The following PPP1R9A variants were observed in gnomAD, a reference collection of about 807,000 sequenced individuals.
PPP1R9A encodes protein phosphatase 1 regulatory subunit 9A, also known as neurabin-1.
PPP1R9A carries 59 observed loss-of-function variants against 141.9 expected under a neutral mutation model. That is an observed-to-expected ratio of 0.42 (90% CI 0.34 to 0.52). The LOEUF (loss-of-function observed/expected upper bound fraction) is 0.52. Ranked by LOEUF, PPP1R9A falls within the 20% of genes least tolerant of loss-of-function variation. The pLI is 0.10. For missense variants in PPP1R9A, 1,444 were observed against 1,611.9 expected (o/e 0.90, Z 1.78); for synonymous variants, 500 against 569.7 (o/e 0.88, Z 1.74).
At chr7:94,995,701 C>G (rs1802085392) in intron 2 of PPP1R9A, among the ~76,000 whole-genome samples, 1 of 151,976 alleles carries the variant, frequency 6.6e-6, no homozygotes, top group Non-Finnish European at 1.5e-5. Flanking sequence ...CTCTATGATA[C>G]AGTTATAATG....
intron 2 of PPP1R9A, among the ~76,000 whole-genome samples, chr7:94,943,081 G>A (rs958747168): frequency 6.6e-6 from 1 of 152,058 alleles, no homozygotes; most frequent in Admixed American, 6.6e-5. Flanking sequence ...ATTTTGGGTA[G>A]AACATGTACT....
At chr7:95,186,350 T>G (rs934434098) in intron 5 of PPP1R9A, among the ~76,000 whole-genome samples, 1 of 152,164 alleles carries the variant, frequency 6.6e-6, no homozygotes, top group Non-Finnish European at 1.5e-5. Context: ...GCTACTGATT[T>G]GTGTACATTC....
chr7:95,260,548 G>C (rs1800274124), intron 12 of PPP1R9A, among the ~76,000 whole-genome samples: 1 of 151,892 alleles, frequency 6.6e-6, no homozygotes, highest in Admixed American at 6.6e-5. Flanking sequence ...GCCTGGTGGT[G>C]GGCACCTGTA....
At chr7:95,089,148 T>G (rs1169772674) in intron 2 of PPP1R9A, among the ~76,000 whole-genome samples, 2 of 152,112 alleles carry the variant, frequency 1.3e-5, no homozygotes, top group Non-Finnish European at 2.9e-5. Context: ...TTTTCTTATA[T>G]AGAAAACCAA....
chr7:95,187,042 A>ATTCCCTTCT (rs1341442350), intron 5 of PPP1R9A, among the ~76,000 whole-genome samples: 56 of 152,174 alleles, frequency 3.7e-4, no homozygotes, highest in African/African-American at 1.2e-3. Context: ...TTTAGGGAGG[A>ATTCCCTTCT]TTCCCTTCTT....
At chr7:95,262,105 G>A (rs1218580624) in intron 12 of PPP1R9A, among the ~76,000 whole-genome samples, 1 of 152,110 alleles carries the variant, frequency 6.6e-6, no homozygotes, top group African/African-American at 2.4e-5. Context: ...CATAGATTTT[G>A]ATTGAGAAAC....
chr7:95,133,965 G>A (rs956562444), intron 4 of PPP1R9A, among the ~76,000 whole-genome samples: 1 of 152,134 alleles, frequency 6.6e-6, no homozygotes, highest in Admixed American at 6.5e-5. Context: ...GTTAAGGCAT[G>A]AGCCACAACA....
intron 2 of PPP1R9A, among the ~76,000 whole-genome samples, chr7:95,037,970 A>G (rs1048024182): frequency 6.6e-6 from 1 of 150,646 alleles, no homozygotes; most frequent in Non-Finnish European, 1.5e-5. Context: ...AAAAAAGCTA[A>G]GTGTGGTGGC....
At chr7:95,141,842 G>A (rs1224071103) in intron 4 of PPP1R9A, among the ~76,000 whole-genome samples, 1 of 152,064 alleles carries the variant, frequency 6.6e-6, no homozygotes, top group East Asian at 1.9e-4. Flanking sequence ...GAACATTCAT[G>A]TGATAGTTTT....
At chr7:95,102,430 C>T (rs931756494) in intron 2 of PPP1R9A, among the ~76,000 whole-genome samples, 2 of 152,132 alleles carry the variant, frequency 1.3e-5, no homozygotes, top group South Asian at 2.1e-4. Flanking sequence ...GTTTCAGAGT[C>T]GCGATTGACC....
intron 2 of PPP1R9A, among the ~76,000 whole-genome samples, chr7:94,932,319 TTTGAATTC>T (rs1376241199): frequency 3.3e-5 from 5 of 152,256 alleles, no homozygotes; most frequent in Non-Finnish European, 7.3e-5. Context: ...CAGCTCCATG[TTTGAATTC>T]TCTAAAAAAT....
intron 2 of PPP1R9A, among the ~76,000 whole-genome samples, chr7:95,079,217 A>T (rs1815374742): frequency 6.6e-6 from 1 of 152,148 alleles, no homozygotes. Flanking sequence ...CAGTTTTCCT[A>T]GCACCATTTA....
At chr7:95,085,063 C>T (rs1484367935) in intron 2 of PPP1R9A, among the ~76,000 whole-genome samples, 1 of 152,028 alleles carries the variant, frequency 6.6e-6, no homozygotes, top group African/African-American at 2.4e-5. Context: ...TCCACATTCT[C>T]ACCCATACTC....
At chr7:95,118,670 A>T (rs1175079189) in intron 3 of PPP1R9A, among the ~76,000 whole-genome samples, 1 of 152,108 alleles carries the variant, frequency 6.6e-6, no homozygotes, top group Non-Finnish European at 1.5e-5. Context: ...CATCCGAAGA[A>T]TACTAATTAC....
chr7:95,208,939 T>C (rs1393739672), intron 7 of PPP1R9A, among the ~76,000 whole-genome samples: 2 of 24,766 alleles, frequency 8.1e-5, no homozygotes, highest in Non-Finnish European at 1.5e-4. Flanking sequence ...AGTTTGGATA[T>C]AAAAATATAG....
chr7:95,293,600 G>A lies in PPP1R9A; in HGVS notation c.*3297G>A, dbSNP rs1806660159. 1 of 152,096 alleles carries A rather than the reference G, an allele frequency of 6.6e-6. No individual in the cohort carries two copies. Among genetic ancestry groups the A allele is most frequent in the African/African-American group, 2.4e-5 (1 of 41,400 alleles). 9.4% of individuals were successfully genotyped at this position (152,096 alleles called of 1,614,324 possible). A position where few individuals can be genotyped will look rare whatever the true frequency, so the allele number is the denominator to read the frequency against. On this transcript the variant is annotated 3_prime_UTR_variant, in exon 20 of 20. Coordinates refer to ENST00000433360, the MANE Select transcript of PPP1R9A (RefSeq NM_001166160.2). ...GTTGTTGGAAACAAAGTGGCAAGAG[G>A]GAAAATGAGGAACCAGATTTACCTT...
intron 5 of PPP1R9A, among the ~76,000 whole-genome samples, chr7:95,163,292 G>C (rs1830704017): frequency 6.6e-6 from 1 of 152,100 alleles, no homozygotes; most frequent in Non-Finnish European, 1.5e-5. Context: ...AATTTCAAAA[G>C]TCTTCAAATG....
At chr7:95,201,708 A>G (rs555938428) in intron 6 of PPP1R9A, among the ~76,000 whole-genome samples, 19 of 152,340 alleles carry the variant, frequency 1.2e-4, no homozygotes, top group African/African-American at 3.6e-4. Context: ...AATTTCATAT[A>G]TAATTGAACA....
chr7:94,990,353 C>T (rs772404180), intron 2 of PPP1R9A, among the ~76,000 whole-genome samples: 9 of 152,054 alleles, frequency 5.9e-5, no homozygotes, highest in African/African-American at 9.7e-5. Flanking sequence ...TTATGTGATA[C>T]TTTGAATATT....
Sources: allele counts gnomAD v4.1 joint callset (sites outside exome capture counted in the v4.1 genomes callset), GRCh38; gene constraint gnomAD v4.1.1; transcripts MANE v1.5; gene names NCBI Gene and HGNC (gene_info 2026-07-23, HGNC 2026-07-21).